The following ENPP3 variants were observed in gnomAD, a reference collection of about 807,000 sequenced individuals.
ENPP3 encodes the protein ectonucleotide pyrophosphatase/phosphodiesterase family member 3.
Under a neutral mutation model 117.8 loss-of-function variants are expected in ENPP3, and 104 were observed. The observed-to-expected ratio is 0.88, with a 90% CI of 0.75 to 1.04. The LOEUF (loss-of-function observed/expected upper bound fraction) is 1.04. Ranked by LOEUF, ENPP3 falls within the 50% of genes least tolerant of loss-of-function variation. The probability of loss-of-function intolerance (pLI) is 0.00; values close to 1 mark genes in which losing one functional copy is unlikely to be tolerated. For synonymous variants in ENPP3, 380 were observed against 349.9 expected (o/e 1.09, Z -0.96); for missense variants, 1,026 against 1,051.9 (o/e 0.98, Z 0.34).
chr6:131,706,786 C>A (rs1779647413), intron 15 of ENPP3, among the ~76,000 whole-genome samples: 1 of 151,776 alleles, frequency 6.6e-6, no homozygotes, highest in Non-Finnish European at 1.5e-5. Flanking sequence ...GGAAACAATC[C>A]CCCGCTGGAC....
At chr6:131,739,907 T>TA (rs1780489986) in intron 23 of ENPP3, among the ~76,000 whole-genome samples, 1 of 107,094 alleles carries the variant, frequency 9.3e-6, no homozygotes, top group African/African-American at 5.7e-5. Flanking sequence ...CCCATCTCTA[T>TA]TAAAAAAAAA....
In ENPP3 at chr6:131,658,433, T is replaced by C; in HGVS notation, c.562+13T>C. On this transcript the variant is annotated intron_variant, in intron 6 of 24. Coordinates refer to ENST00000357639, the MANE Select transcript of ENPP3 (RefSeq NM_005021.5). ...ATCAATAAACTGAGTAAGTCTTCTG[T>C]AACTAGTGGCATGCAAATGATAAAG... 7.6e-7 allele frequency: 1 copy of C among 1,320,038 alleles called. No individual in the cohort carries two copies. The allele number at this position is 1,320,038 out of a possible 1,614,324, so 81.8% of individuals were successfully genotyped here.
intron 3 of ENPP3, 27 bp from the exon 4 acceptor site, chr6:131,652,515 T>C: frequency 6.2e-7 from 1 of 1,612,276 alleles, no homozygotes; most frequent in Non-Finnish European, 8.5e-7. Context: ...GCTTAAATGC[T>C]CAGAACTGAA....
chr6:131,648,383 T>A (rs1778192889), intron 2 of ENPP3, among the ~76,000 whole-genome samples: 1 of 151,916 alleles, frequency 6.6e-6, no homozygotes, highest in African/African-American at 2.4e-5. Context: ...GCACCTAAAA[T>A]TTTTTTTGTA....
intron 16 of ENPP3, among the ~76,000 whole-genome samples, chr6:131,719,102 G>A (rs1779958933): frequency 6.6e-6 from 1 of 152,102 alleles, no homozygotes; most frequent in African/African-American, 2.4e-5. Context: ...AGGAGAGTAA[G>A]GGAGAAATTG....
chr6:131,733,556 G>A (rs974192569), intron 20 of ENPP3, 32 bp from the exon 21 acceptor site: 35 of 1,596,624 alleles, frequency 2.2e-5, no homozygotes, highest in Non-Finnish European at 2.8e-5. Context: ...CGCAATTGTG[G>A]GCGTAATTTT....
In ENPP3 at chr6:131,710,940, T is replaced by C. The variant is rs1779772761; in HGVS notation, c.1413-7732T>C. On this transcript the variant is annotated intron_variant, in intron 15 of 24. Coordinates refer to ENST00000357639, the MANE Select transcript of ENPP3 (RefSeq NM_005021.5). ...TCTCATCTGGTCTCATACTCTCAGGTAGTGCTGCCACAACTCTGCCTAGCT... is the reference window on the plus strand; with the variant it reads ...TCTCATCTGGTCTCATACTCTCAGGCAGTGCTGCCACAACTCTGCCTAGCT... 1.3e-6 allele frequency: 2 copies of C among 1,571,234 alleles called. 1 individual carries two copies. The highest frequency in any genetic ancestry group is 1.7e-6 in the Non-Finnish European group (2 of 1,173,750).
At chr6:131,689,661 A>G (rs6909628) in intron 14 of ENPP3, among the ~76,000 whole-genome samples, 7,882 of 152,260 alleles carry the variant, frequency 0.052, 601 homozygotes, top group African/African-American at 0.17. Context: ...CAGGCCATGG[A>G]TCAAGGAGCA....
chr6:131,746,807 T>C lies in ENPP3; in HGVS notation c.2479T>C (p.Trp827Arg). The change falls in exon 25 of 25, where the codon TGG (tryptophan) becomes CGG (arginine). Residue 827 changes from tryptophan to arginine, a missense_variant. Physicochemically the swap from Trp to Arg is moderately radical, Grantham distance 101 (BLOSUM62 -3). Transcript: ENST00000357639. ...TCAGGAAGGTAAACCAGAAGCTCTT[T>C]GGGTTGAAGAAAGATTTACAGCTCA... ...SCPEGKPEAL[W>R]VEERFTAHIA... The C allele has an allele frequency of 6.2e-7, 1 of 1,608,342 alleles. No individual in the cohort carries two copies. Among genetic ancestry groups the C allele is most frequent in the South Asian group, 1.1e-5 (1 of 89,416 alleles).
In ENPP3 at chr6:131,669,131, T is replaced by C. The variant is rs559277838; in HGVS notation, c.563-2117T>C. On this transcript the variant is annotated intron_variant, in intron 6 of 24. Transcript: ENST00000357639. The stretch of plus-strand genomic sequence containing the variant: ...AAACTGACTTTATGTATCTGTTCAT[T>C]GTATGAATTTTTTCCCACTTAAATT... Among the ~76,000 whole-genome samples, 9 of 152,324 alleles carry C rather than the reference T, an allele frequency of 5.9e-5. No homozygotes were observed. The East Asian group carries it at 1.7e-3, about 29-fold the overall frequency.
At chr6:131,671,357 C>T (rs749118488) in intron 7 of ENPP3, 30 bp downstream of exon 7, 5 of 1,327,340 alleles carry the variant, frequency 3.8e-6, no homozygotes, top group Non-Finnish European at 4.3e-6. Flanking sequence ...GTAAGACAGG[C>T]CAAAGACCAG....
At chr6:131,725,283 A>G (rs1004999851) in intron 19 of ENPP3, among the ~76,000 whole-genome samples, 1 of 152,158 alleles carries the variant, frequency 6.6e-6, no homozygotes, top group African/African-American at 2.4e-5. Context: ...ACAAGATGCC[A>G]TAGACTGGGT....
chr6:131,744,748 A>G (rs964580280), intron 24 of ENPP3, among the ~76,000 whole-genome samples: 1 of 152,112 alleles, frequency 6.6e-6, no homozygotes, highest in Admixed American at 6.6e-5. Context: ...GCCTCAAAAA[A>G]TGAGTTGTAT....
intron 6 of ENPP3, among the ~76,000 whole-genome samples, chr6:131,667,117 G>C (rs1778633296): frequency 6.6e-6 from 1 of 152,038 alleles, no homozygotes; most frequent in Admixed American, 6.6e-5. Context: ...ATTTTGTTTT[G>C]TTTTGGTCGT....
chr6:131,742,308 G>A (rs1293261107), intron 24 of ENPP3, among the ~76,000 whole-genome samples: 4 of 152,106 alleles, frequency 2.6e-5, no homozygotes, highest in Admixed American at 6.6e-5. Flanking sequence ...TGACTGATAC[G>A]ATGTGGTACT....
chr6:131,673,474 G>T (rs555871848), intron 7 of ENPP3, among the ~76,000 whole-genome samples: 72 of 152,134 alleles, frequency 4.7e-4, no homozygotes, highest in Non-Finnish European at 6.0e-4. Flanking sequence ...TAAATGATAG[G>T]AACTTATTAA....
At chr6:131,712,833 C>T (rs1345160434) in intron 15 of ENPP3, among the ~76,000 whole-genome samples, 1 of 148,958 alleles carries the variant, frequency 6.7e-6, no homozygotes, top group Non-Finnish European at 1.5e-5. Flanking sequence ...AGGAAGATGC[C>T]TTTCTGGAAA....
chr6:131,641,526 G>A lies in ENPP3; in HGVS notation c.150G>A (p.Lys50=). Residue 50 remains lysine, a synonymous_variant, in exon 2 of 25, where the codon AAG becomes AAA. Coordinates refer to ENST00000357639, the MANE Select transcript of ENPP3 (RefSeq NM_005021.5). ...GGCTTGGACTCAGGAAACTGGAAAA[G>A]CAAGGTATACCCCTCAGCCTTTTCT... ...GLGLGLRKLE[K]QGSCRKKCFD... is the part of the protein sequence containing the mutation. 6.3e-7 allele frequency: 1 copy of A among 1,595,594 alleles called. No individual in the cohort carries two copies. The highest frequency in any genetic ancestry group is 8.6e-7 in the Non-Finnish European group (1 of 1,163,748).
intron 15 of ENPP3, among the ~76,000 whole-genome samples, chr6:131,715,812 T>C (rs1427609177): frequency 6.6e-6 from 1 of 152,120 alleles, no homozygotes; most frequent in Non-Finnish European, 1.5e-5. Flanking sequence ...TAGTGCTTAT[T>C]GTTGGGGGAC....
Sources: allele counts gnomAD v4.1 joint callset (sites outside exome capture counted in the v4.1 genomes callset), GRCh38; gene constraint gnomAD v4.1.1; transcripts MANE v1.5; gene names NCBI Gene and HGNC (gene_info 2026-07-23, HGNC 2026-07-21).